The following VPS13B variants were observed in gnomAD, a reference collection of about 807,000 sequenced individuals.
VPS13B encodes the protein intermembrane lipid transfer protein VPS13B.
Under a neutral mutation model 426.4 loss-of-function variants are expected in VPS13B, and 285 were observed. That is an observed-to-expected ratio of 0.67 (90% CI 0.61 to 0.74). VPS13B has a LOEUF of 0.74. Ranked by LOEUF, VPS13B falls within the 30% of genes least tolerant of loss-of-function variation. The probability of loss-of-function intolerance (pLI) is 0.00; values close to 1 mark genes in which losing one functional copy is unlikely to be tolerated. For synonymous variants in VPS13B, 1,676 were observed against 1,676.4 expected (o/e 1.00, Z 0.01); for missense variants, 4,537 against 4,782.6 (o/e 0.95, Z 1.51).
intron 31 of VPS13B, among the ~76,000 whole-genome samples, chr8:99,559,723 G>A (rs982311591): frequency 1.2e-4 from 18 of 152,226 alleles, no homozygotes; most frequent in South Asian, 8.3e-4. Flanking sequence ...TTGTAGATAC[G>A]CGGCATTATT....
At chr8:99,748,240 A>G (rs1021741390) in intron 39 of VPS13B, among the ~76,000 whole-genome samples, 11 of 152,076 alleles carry the variant, frequency 7.2e-5, no homozygotes, top group South Asian at 2.1e-4. Flanking sequence ...AACAGGACAC[A>G]GGTTACCACC....
At chr8:99,600,472 G>A (rs1827233873) in intron 33 of VPS13B, among the ~76,000 whole-genome samples, 1 of 152,112 alleles carries the variant, frequency 6.6e-6, no homozygotes, top group Non-Finnish European at 1.5e-5. Context: ...AATTGTCCTT[G>A]TATATAATTT....
intron 12 of VPS13B, among the ~76,000 whole-genome samples, chr8:99,139,878 C>T (rs563509437): frequency 6.6e-6 from 1 of 151,100 alleles, no homozygotes; most frequent in East Asian, 1.9e-4. Flanking sequence ...TTATCTAAAA[C>T]TCTTGTTTTT....
At chr8:99,154,284 T>C (rs1389332590) in intron 14 of VPS13B, among the ~76,000 whole-genome samples, 1 of 152,152 alleles carries the variant, frequency 6.6e-6, no homozygotes, top group Non-Finnish European at 1.5e-5. Flanking sequence ...TCTGTTTCTT[T>C]CTGTCTTTTC....
intron 22 of VPS13B, among the ~76,000 whole-genome samples, chr8:99,441,781 A>G (rs930419533): frequency 2.0e-5 from 3 of 152,144 alleles, no homozygotes; most frequent in African/African-American, 7.2e-5. Context: ...GAAAAAAGCA[A>G]GAAATAATGC....
chr8:99,657,395 A>C (rs183963600), intron 34 of VPS13B, among the ~76,000 whole-genome samples: 18 of 151,842 alleles, frequency 1.2e-4, no homozygotes, highest in African/African-American at 4.4e-4. Flanking sequence ...TTTTGTCTTT[A>C]AGTCCTGAAT....
chr8:99,051,389 A>G (rs1843544204), intron 3 of VPS13B, among the ~76,000 whole-genome samples: 1 of 151,026 alleles, frequency 6.6e-6, no homozygotes, highest in Admixed American at 6.6e-5. Flanking sequence ...ATTGGTCTGT[A>G]TCTCTGTTTT....
intron 24 of VPS13B, among the ~76,000 whole-genome samples, chr8:99,468,139 A>T (rs1819208632): frequency 6.6e-6 from 1 of 152,054 alleles, no homozygotes; most frequent in Non-Finnish European, 1.5e-5. Flanking sequence ...TCCTAATGCT[A>T]TCCCCCGACC....
intron 35 of VPS13B, among the ~76,000 whole-genome samples, chr8:99,669,778 G>T (rs1279253010): frequency 6.6e-6 from 1 of 151,868 alleles, no homozygotes; most frequent in Non-Finnish European, 1.5e-5. Flanking sequence ...ATTTGATTTT[G>T]ATTTTAAGAA....
At chr8:99,781,849 T>A (rs1472375181) in intron 42 of VPS13B, among the ~76,000 whole-genome samples, 1 of 152,170 alleles carries the variant, frequency 6.6e-6, no homozygotes, top group African/African-American at 2.4e-5. Context: ...AGTGGGAGAT[T>A]GGAATCATAT....
intron 39 of VPS13B, among the ~76,000 whole-genome samples, chr8:99,744,074 C>T (rs1038114894): frequency 2.0e-5 from 3 of 152,134 alleles, no homozygotes; most frequent in East Asian, 1.9e-4. Context: ...GCAATCTACT[C>T]ATCTGACAAA....
intron 17 of VPS13B, among the ~76,000 whole-genome samples, chr8:99,226,683 T>C (rs1816038701): frequency 6.6e-6 from 1 of 152,188 alleles, no homozygotes. Flanking sequence ...TTACATGTTA[T>C]AGGTATAGTA....
chr8:99,486,845 C>T (rs970003438), intron 25 of VPS13B, among the ~76,000 whole-genome samples: 1 of 152,076 alleles, frequency 6.6e-6, no homozygotes, highest in Non-Finnish European at 1.5e-5. Context: ...TAGTATTTGT[C>T]TTTATTTCAA....
chr8:99,425,926 TA>T (rs1353641134), intron 21 of VPS13B, among the ~76,000 whole-genome samples: 1 of 152,152 alleles, frequency 6.6e-6, no homozygotes, highest in Admixed American at 6.6e-5. Flanking sequence ...AATTTTTTAT[TA>T]TACTTTAAGT....
At chr8:99,287,228 GTCTGTC>G in intron 19 of VPS13B, among the ~76,000 whole-genome samples, 1 of 105,924 alleles carries the variant, frequency 9.4e-6, no homozygotes, top group Admixed American at 8.8e-5. Context: ...GTATCTATCT[GTCTGTC>G]TATCTATCTA....
At chr8:99,222,443 C>T (rs779369691) in intron 17 of VPS13B, among the ~76,000 whole-genome samples, 1 of 152,034 alleles carries the variant, frequency 6.6e-6, no homozygotes, top group Admixed American at 6.6e-5. Context: ...AATCACAGTG[C>T]CTAGCTTGGT....
chr8:99,076,829 T>C (rs1340192853), intron 3 of VPS13B, among the ~76,000 whole-genome samples: 2 of 152,176 alleles, frequency 1.3e-5, no homozygotes, highest in Admixed American at 6.5e-5. Context: ...TCTATATCTT[T>C]TATCAGGGGA....
chr8:99,139,820 A>T lies in VPS13B; in HGVS notation c.1651+3068A>T, dbSNP rs1451964304. On this transcript the variant is annotated intron_variant, in intron 12 of 61. Coordinates refer to ENST00000357162, the MANE Select transcript of VPS13B (RefSeq NM_152564.5). ...AAGTATTAATGAGCTAGGAAAAGTAATGAGTTCCTATAAGAGGATACTTGT... is the reference window on the plus strand; with the variant it reads ...AAGTATTAATGAGCTAGGAAAAGTATTGAGTTCCTATAAGAGGATACTTGT... 2.0e-5 allele frequency among the ~76,000 whole-genome samples: 3 copies of T among 152,130 alleles called. No homozygotes were observed. The South Asian group carries it at 6.2e-4, about 32-fold the overall frequency.
chr8:99,261,247 C>T (rs1316314811), intron 17 of VPS13B, among the ~76,000 whole-genome samples: 1 of 152,074 alleles, frequency 6.6e-6, no homozygotes, highest in African/African-American at 2.4e-5. Context: ...GAATGTTTCA[C>T]AGCCCTAAAA....
Sources: allele counts gnomAD v4.1 joint callset (sites outside exome capture counted in the v4.1 genomes callset), GRCh38; gene constraint gnomAD v4.1.1; transcripts MANE v1.5; gene names NCBI Gene and HGNC (gene_info 2026-07-23, HGNC 2026-07-21).